The following R3HDM2 variants were observed in gnomAD, a reference collection of about 807,000 sequenced individuals.
R3HDM2 encodes R3H domain-containing protein 2.
A neutral mutation model predicts 124.5 loss-of-function variants in R3HDM2; 38 were observed. That is an observed-to-expected ratio of 0.31 (90% CI 0.24 to 0.40). The LOEUF is 0.40. R3HDM2 is among the 10% of genes least tolerant of loss of function. R3HDM2 has a pLI of 1.00. For missense variants in R3HDM2, 869 were observed against 1,236.9 expected, an observed-to-expected ratio of 0.70 and a Z score of 4.46; for synonymous variants, 391 against 448.0, an observed-to-expected ratio of 0.87 and a Z score of 1.61.
At chr12:57,397,566 A>G (rs912375206) in intron 1 of R3HDM2, among the ~76,000 whole-genome samples, 2 of 152,146 alleles carry the variant, frequency 1.3e-5, no homozygotes, top group Non-Finnish European at 2.9e-5. Context: ...AATGTGGAGT[A>G]GTTGGCTAAA....
chr12:57,359,276 G>A (rs2061621600), intron 2 of R3HDM2, among the ~76,000 whole-genome samples: 1 of 152,058 alleles, frequency 6.6e-6, no homozygotes, highest in African/African-American at 2.4e-5. Flanking sequence ...GCCCAAGCTG[G>A]TCTTGAACTC....
chr12:57,418,425 T>C, intron 1 of R3HDM2: 1 of 707,878 alleles, frequency 1.4e-6, no homozygotes, highest in Non-Finnish European at 1.7e-6. Flanking sequence ...GTCTTTGTCC[T>C]TGTACAACTA....
At chr12:57,370,063 G>A (rs940713055) in intron 2 of R3HDM2, among the ~76,000 whole-genome samples, 1 of 152,048 alleles carries the variant, frequency 6.6e-6, no homozygotes, top group African/African-American at 2.4e-5. Context: ...GCAAAGAGAG[G>A]GTGCTATGGT....
At chr12:57,348,007 T>G (rs2060237742) in intron 2 of R3HDM2, among the ~76,000 whole-genome samples, 1 of 152,296 alleles carries the variant, frequency 6.6e-6, no homozygotes, top group African/African-American at 2.4e-5. Flanking sequence ...TCCACTCTCA[T>G]GACAGATGTT....
At chr12:57,268,833 G>T in intron 17 of R3HDM2, 89 bp downstream of exon 17, 2 of 1,440,470 alleles carry the variant, frequency 1.4e-6, no homozygotes, top group Non-Finnish European at 9.4e-7. Context: ...TTTTAGTATT[G>T]GAGTTTTTAG....
intron 3 of R3HDM2, chr12:57,305,546 G>T: frequency 2.5e-6 from 1 of 397,822 alleles, no homozygotes; most frequent in South Asian, 1.3e-4. Context: ...TTCCCAGAAT[G>T]GATAGTTTTA....
intron 2 of R3HDM2, among the ~76,000 whole-genome samples, chr12:57,365,725 C>T (rs528466968): frequency 6.6e-6 from 1 of 152,208 alleles, no homozygotes; most frequent in South Asian, 2.1e-4. Flanking sequence ...CACCTAAAGT[C>T]AGGGGCTCGA....
intron 2 of R3HDM2, among the ~76,000 whole-genome samples, chr12:57,351,639 G>T (rs1197092735): frequency 6.6e-6 from 1 of 152,128 alleles, no homozygotes; most frequent in Non-Finnish European, 1.5e-5. Context: ...CACTAATTAT[G>T]TAACAGGCAA....
At chr12:57,402,500 C>T (rs1206423104) in intron 1 of R3HDM2, among the ~76,000 whole-genome samples, 1 of 152,030 alleles carries the variant, frequency 6.6e-6, no homozygotes, top group East Asian at 1.9e-4. Context: ...CCATGTCCAG[C>T]TAATTTTTAT....
At chr12:57,288,530 A>G (rs1365142890) in intron 12 of R3HDM2, among the ~76,000 whole-genome samples, 1 of 152,026 alleles carries the variant, frequency 6.6e-6, no homozygotes, top group Non-Finnish European at 1.5e-5. Context: ...CCATTCTTTT[A>G]CCTTATCATA....
At position 57,342,750 on chromosome 12, in the gene R3HDM2, A is replaced by T. The variant is rs115840596; in HGVS notation, c.-35-32287T>A. 1.4e-3 allele frequency among the ~76,000 whole-genome samples: 220 copies of T among 152,298 alleles called. 1 individual carries two copies. Among genetic ancestry groups the T allele is most frequent in the African/African-American group, 4.9e-3 (205 of 41,558 alleles). The stretch of plus-strand genomic sequence containing the variant: ...TACCTTACCTTTTTCTCACCTGCAA[A>T]ATAACTGAGGTCAGGGATATGATCT... On this transcript the variant is annotated intron_variant, in intron 2 of 23. Transcript: ENST00000402412.
intron 1 of R3HDM2, among the ~76,000 whole-genome samples, chr12:57,422,807 C>T (rs947516342): frequency 1.3e-5 from 2 of 151,652 alleles, no homozygotes; most frequent in African/African-American, 4.8e-5. Flanking sequence ...ACAGGAAGAA[C>T]TCATCTCTAC....
At chr12:57,430,387 C>T (rs1414711070) in intron 1 of R3HDM2, among the ~76,000 whole-genome samples, 1 of 152,166 alleles carries the variant, frequency 6.6e-6, no homozygotes, top group African/African-American at 2.4e-5. Context: ...CGAAGGAAAA[C>T]CGCCACCCAA....
intron 1 of R3HDM2, among the ~76,000 whole-genome samples, chr12:57,419,781 G>C (rs1467885944): frequency 6.6e-6 from 1 of 151,872 alleles, no homozygotes; most frequent in Non-Finnish European, 1.5e-5. Flanking sequence ...CTTTGCCCAG[G>C]CTATTGTATC....
At chr12:57,343,278 C>T (rs2059763361) in intron 2 of R3HDM2, among the ~76,000 whole-genome samples, 1 of 151,058 alleles carries the variant, frequency 6.6e-6, no homozygotes, top group African/African-American at 2.4e-5. Flanking sequence ...ACAACCTCCG[C>T]CTCCCGGTTC....
chr12:57,273,527 T>C (rs2044046244), intron 14 of R3HDM2, among the ~76,000 whole-genome samples: 1 of 152,172 alleles, frequency 6.6e-6, no homozygotes, highest in Non-Finnish European at 1.5e-5. Flanking sequence ...CATTGTCTCA[T>C]TACAGCCTCA....
chr12:57,266,597 C>T, intron 19 of R3HDM2, 134 bp downstream of exon 19: 19 of 691,422 alleles, frequency 2.7e-5, no homozygotes, highest in Middle Eastern at 2.5e-4. Flanking sequence ...ACTGTTTTTT[C>T]TTTGTGATGG....
At chr12:57,415,856 T>C (rs548192569) in intron 1 of R3HDM2, among the ~76,000 whole-genome samples, 53 of 151,916 alleles carry the variant, frequency 3.5e-4, no homozygotes, top group Admixed American at 7.9e-4. Context: ...AAAATATTAA[T>C]GACATGAAAA....
At position 57,255,201 on chromosome 12, in the gene R3HDM2, CTA is replaced by C. The variant is rs1592275946; in HGVS notation, c.2633-90_2633-89del. 14 of 1,130,960 alleles carry C rather than the reference CTA, an allele frequency of 1.2e-5. No homozygotes were observed. The East Asian group carries it at 3.4e-4, about 27-fold the overall frequency. 70.1% of individuals were successfully genotyped at this position (1,130,960 alleles called of 1,614,324 possible). A position where few individuals can be genotyped will look rare whatever the true frequency, so the allele number is the denominator to read the frequency against. ...GCCCAGCAGAGAAGTGTCCAGCTGA[CTA>C]AGTCTGTATACAATGTCTTCAAAAG... On this transcript the variant is annotated intron_variant, in intron 23 of 23. Coordinates refer to ENST00000402412, the MANE Select transcript of R3HDM2 (RefSeq NM_001394031.1).
Sources: allele counts gnomAD v4.1 joint callset (sites outside exome capture counted in the v4.1 genomes callset), GRCh38; gene constraint gnomAD v4.1.1; transcripts MANE v1.5; gene names NCBI Gene and HGNC (gene_info 2026-07-23, HGNC 2026-07-21).